Variants in NSG2 observed in about 807,000 individuals in gnomAD.
The protein encoded by NSG2 is neuronal vesicle trafficking-associated protein 2.
NSG2 carries 4 observed loss-of-function variants against 16.9 expected under a neutral mutation model. That is an observed-to-expected ratio of 0.24 (90% CI 0.12 to 0.54). The LOEUF (loss-of-function observed/expected upper bound fraction) is 0.54. NSG2 is among the 20% of genes least tolerant of loss of function. The pLI is 0.95. For missense variants in NSG2, 179 were observed against 221.1 expected, an observed-to-expected ratio of 0.81 and a Z score of 1.21; for synonymous variants, 98 against 88.7, an observed-to-expected ratio of 1.11 and a Z score of -0.59.
At chr5:174,073,963 C>T (rs1396699282) in intron 3 of NSG2, among the ~76,000 whole-genome samples, 1 of 152,132 alleles carries the variant, frequency 6.6e-6, no homozygotes, top group Non-Finnish European at 1.5e-5. Flanking sequence ...CACACCCACT[C>T]CTGAGAGCTG....
chr5:174,107,551 C>T lies in NSG2; in HGVS notation c.*46C>T, dbSNP rs1234237977. The T allele has an allele frequency of 4.5e-6, 7 of 1,559,940 alleles. No homozygotes were observed. The highest frequency in any genetic ancestry group is 1.4e-5 in the African/African-American group (1 of 73,954). ...GGGGGGCGGGGTGGAGAGGAGGACC[C>T]CCATTGGCTAAGCCAAGCTCCAGTT... On this transcript the variant is annotated 3_prime_UTR_variant, in exon 5 of 5. Transcript: ENST00000303177. The surrounding 1 kb of genome is among the most constrained non-coding windows in gnomAD (Gnocchi z 4.5).
chr5:174,066,883 G>T (rs536793617), intron 3 of NSG2, among the ~76,000 whole-genome samples: 29 of 149,984 alleles, frequency 1.9e-4, no homozygotes, highest in African/African-American at 7.1e-4. Context: ...CCAGCTACTT[G>T]GGAGGCTGAG....
intron 3 of NSG2, among the ~76,000 whole-genome samples, chr5:174,074,402 C>A (rs1760299849): frequency 6.6e-6 from 1 of 152,076 alleles, no homozygotes; most frequent in Admixed American, 6.5e-5. Context: ...TAGCTTGGGT[C>A]TCCAGTGGGA....
intron 2 of NSG2, among the ~76,000 whole-genome samples, chr5:174,048,958 T>G: frequency 6.6e-6 from 1 of 152,086 alleles, no homozygotes; most frequent in East Asian, 1.9e-4. Context: ...CAGTTTCCTG[T>G]TTTTTTGATA....
At position 174,107,526 on chromosome 5, in the gene NSG2, G is replaced by T. The variant is rs755677311; in HGVS notation, c.*21G>T. ...ACTAGAGGCCTGCCCCAGCCAGAATGGGGGGCGGGGTGGAGAGGAGGACCC... is the reference window on the plus strand; with the variant it reads ...ACTAGAGGCCTGCCCCAGCCAGAATTGGGGGCGGGGTGGAGAGGAGGACCC... On this transcript the variant is annotated 3_prime_UTR_variant, in exon 5 of 5. Transcript: ENST00000303177. The surrounding 1 kb of genome is among the most constrained non-coding windows in gnomAD (Gnocchi z 4.5). 3.8e-6 allele frequency: 6 copies of T among 1,589,262 alleles called. No homozygotes were observed. Among genetic ancestry groups the T allele is most frequent in the East Asian group, 4.5e-5 (2 of 44,520 alleles).
At chr5:174,095,781 C>G (rs572850239) in intron 3 of NSG2, among the ~76,000 whole-genome samples, 1 of 152,216 alleles carries the variant, frequency 6.6e-6, no homozygotes, top group South Asian at 2.1e-4. Context: ...TACAATTCCC[C>G]TTTGACAGAA....
At chr5:174,081,348 GT>G (rs201598403) in intron 3 of NSG2, among the ~76,000 whole-genome samples, 118 of 151,992 alleles carry the variant, frequency 7.8e-4, no homozygotes, top group African/African-American at 1.7e-3. Context: ...ACATTTTGAT[GT>G]TTTTTTCCCC....
At chr5:174,046,537 G>C (rs1759798894) in intron 1 of NSG2, 197 bp from the exon 2 acceptor site, 1 of 553,712 alleles carries the variant, frequency 1.8e-6, no homozygotes. Flanking sequence ...ATGGGAAGGT[G>C]GCATATTTTG....
chr5:174,070,822 T>C (rs1760226081), intron 3 of NSG2, among the ~76,000 whole-genome samples: 1 of 152,160 alleles, frequency 6.6e-6, no homozygotes. Flanking sequence ...CCCCTCTAGC[T>C]TCTGATCCCT....
chr5:174,070,538 C>T (rs977293446), intron 3 of NSG2, among the ~76,000 whole-genome samples: 17 of 152,094 alleles, frequency 1.1e-4, no homozygotes, highest in Non-Finnish European at 2.2e-4. Context: ...TCTTCTTTGT[C>T]GTTATTAATA....
At chr5:174,085,846 A>G (rs1178970989) in intron 3 of NSG2, among the ~76,000 whole-genome samples, 4 of 152,252 alleles carry the variant, frequency 2.6e-5, no homozygotes, top group Non-Finnish European at 5.9e-5. Flanking sequence ...GTGCGAGGCT[A>G]GGAAGTCCTT....
intron 3 of NSG2, among the ~76,000 whole-genome samples, chr5:174,102,007 A>G (rs1482714080): frequency 6.6e-6 from 1 of 152,178 alleles, no homozygotes; most frequent in African/African-American, 2.4e-5. Context: ...TATCACTCCA[A>G]TCCAGGGCAG....
At chr5:174,103,668 C>T (rs1006643794) in intron 3 of NSG2, among the ~76,000 whole-genome samples, 6 of 152,198 alleles carry the variant, frequency 3.9e-5, no homozygotes, top group African/African-American at 7.2e-5. Context: ...AAGGAGTGGT[C>T]GGGTGCAGTG....
chr5:174,049,483 A>G (rs938850912), intron 2 of NSG2, among the ~76,000 whole-genome samples: 2 of 152,180 alleles, frequency 1.3e-5, no homozygotes, highest in African/African-American at 4.8e-5. Context: ...ACATGTGTGC[A>G]ATTTTCTTTC....
At chr5:174,097,731 G>C (rs1760826279) in intron 3 of NSG2, among the ~76,000 whole-genome samples, 1 of 150,884 alleles carries the variant, frequency 6.6e-6, no homozygotes, top group Non-Finnish European at 1.5e-5. Context: ...CTCTGTGTGT[G>C]TCTCTGTGTC....
At chr5:174,067,013 A>AG (rs1363748893) in intron 3 of NSG2, among the ~76,000 whole-genome samples, 1 of 150,920 alleles carries the variant, frequency 6.6e-6, no homozygotes, top group Non-Finnish European at 1.5e-5. Context: ...AAAAAAAAAA[A>AG]AAAGAAATGA....
At chr5:174,080,359 T>G (rs1386027298) in intron 3 of NSG2, among the ~76,000 whole-genome samples, 1 of 150,298 alleles carries the variant, frequency 6.7e-6, no homozygotes, top group East Asian at 1.9e-4. Context: ...AACCTTATTA[T>G]ATATAACCAT....
rs201590723 is a variant in NSG2, at chr5:174,069,517, GA to G, written c.213+5207del. On this transcript the variant is annotated intron_variant, in intron 3 of 4. Coordinates refer to ENST00000303177, the MANE Select transcript of NSG2 (RefSeq NM_015980.5). ...CCATATCTTAGCTTCATGACCTTGGGAAAAATCTCTCCACTCCCAAGTTCCC... is the reference window on the plus strand; with the variant it reads ...CCATATCTTAGCTTCATGACCTTGGGAAAATCTCTCCACTCCCAAGTTCCC... Among the ~76,000 whole-genome samples the G allele has an allele frequency of 7.8e-3, 1,183 of 152,202 alleles. 18 individuals carry two copies. The highest frequency in any genetic ancestry group is 0.025 in the African/African-American group (1,049 of 41,536).
intron 2 of NSG2, among the ~76,000 whole-genome samples, chr5:174,062,880 C>T (rs531385138): frequency 6.6e-6 from 1 of 152,270 alleles, no homozygotes; most frequent in African/African-American, 2.4e-5. Flanking sequence ...ACTGTTGTCT[C>T]CAGGGAAGGT....
Sources: allele counts gnomAD v4.1 joint callset (sites outside exome capture counted in the v4.1 genomes callset), GRCh38; gene constraint gnomAD v4.1.1; non-coding constraint Gnocchi (gnomAD v3.1); transcripts MANE v1.5; gene names NCBI Gene and HGNC (gene_info 2026-07-23, HGNC 2026-07-21).